Variants in LRRC41 observed in about 807,000 individuals in gnomAD.
The protein encoded by LRRC41 is leucine rich repeat containing 41.
In LRRC41, 17 loss-of-function variants were observed where a neutral mutation model predicts 72.1. The ratio of observed to expected loss-of-function variants is 0.24; its 90% CI spans 0.16 to 0.35. The LOEUF (loss-of-function observed/expected upper bound fraction) is 0.35. Among genes scored for constraint, LRRC41 ranks in the 10% least tolerant of loss-of-function variants. The pLI, the probability that LRRC41 is intolerant of heterozygous loss-of-function variation, is 1.00. For synonymous variants in LRRC41, 427 were observed against 431.0 expected, an observed-to-expected ratio of 0.99 and a Z score of 0.11; for missense variants, 759 against 1,065.0, an observed-to-expected ratio of 0.71 and a Z score of 4.00.
At chr1:46,301,519 C>T (rs966151299) in intron 1 of LRRC41, among the ~76,000 whole-genome samples, 1 of 151,966 alleles carries the variant, frequency 6.6e-6, no homozygotes, top group African/African-American at 2.4e-5. Context: ...CTTCTAAAAG[C>T]CTCTTCCACC....
intron 1 of LRRC41, chr1:46,300,635 AC>A (rs1661204161): frequency 6.6e-6 from 1 of 151,842 alleles, no homozygotes; most frequent in African/African-American, 2.4e-5. Flanking sequence ...CCTCTTCAAA[AC>A]CCTTGGAGGT....
In LRRC41 at chr1:46,303,573, G is replaced by A; in HGVS notation, c.-251C>T. 1.2e-6 allele frequency: 1 copy of A among 860,368 alleles called. No homozygotes were observed. Among genetic ancestry groups the A allele is most frequent in the Non-Finnish European group, 1.8e-6 (1 of 565,456 alleles). The allele number at this position is 860,368 out of a possible 1,614,324, so 53.3% of individuals were successfully genotyped here. On this transcript the variant is annotated 5_prime_UTR_variant, in exon 1 of 10. Coordinates refer to ENST00000617190, the MANE Select transcript of LRRC41 (RefSeq NM_006369.5). Reference sequence around the variant, plus strand: ...AAAGCCTCCTCGGGTGCAAACATCAGCTACCCCTAACCTCTGCCTGCGGCT... The same window carrying A: ...AAAGCCTCCTCGGGTGCAAACATCAACTACCCCTAACCTCTGCCTGCGGCT...
At chr1:46,289,352 C>T (rs1193495032) in intron 3 of LRRC41, among the ~76,000 whole-genome samples, 1 of 152,192 alleles carries the variant, frequency 6.6e-6, no homozygotes, top group Non-Finnish European at 1.5e-5. Context: ...ACTGACATCA[C>T]AGCATTTTTG....
rs1236542396 is a variant in LRRC41 at position 46,279,310 on chromosome 1, G to A, written c.2144-53C>T. The A allele has an allele frequency of 1.9e-6, 3 of 1,599,678 alleles. No individual in the cohort carries two copies. The highest frequency in any genetic ancestry group is 2.7e-5 in the African/African-American group (2 of 74,634). Reference sequence around the variant, plus strand: ...CCTCCACCCAAGAACAGGGGACAAGGGTATCCCAACCCAACTATGGCTGGC... The same window carrying A: ...CCTCCACCCAAGAACAGGGGACAAGAGTATCCCAACCCAACTATGGCTGGC... On this transcript the variant is annotated intron_variant, in intron 8 of 9. Coordinates refer to ENST00000617190, the MANE Select transcript of LRRC41 (RefSeq NM_006369.5). This position sits in a 1 kb window ranked among gnomAD's most constrained non-coding sequence, Gnocchi z 4.5.
rs1661165475 is a variant in LRRC41, at chr1:46,298,358, G to A, written c.212C>T (p.Pro71Leu). Reference sequence around the variant, plus strand: ...CAGAGGTAGGATGCTTTGAAGTATTGGGCCTGGGAGGGCTACAAAAATCAA... The same window carrying A: ...CAGAGGTAGGATGCTTTGAAGTATTAGGCCTGGGAGGGCTACAAAAATCAA... The part of the protein sequence containing the change: ...LESGVWALPG[P>L]ILQSILPLLN... The change falls in exon 2 of 10, where the codon CCA becomes CTA. Residue 71 changes from proline to leucine, a missense_variant. Physicochemically the swap from Pro to Leu is moderately conservative, Grantham distance 98 (BLOSUM62 -3). Coordinates refer to ENST00000617190, the MANE Select transcript of LRRC41 (RefSeq NM_006369.5). 1 of 1,607,572 alleles carries A rather than the reference G, an allele frequency of 6.2e-7. No individual in the cohort carries two copies. Among genetic ancestry groups the A allele is most frequent in the Non-Finnish European group, 8.5e-7 (1 of 1,176,754 alleles).
chr1:46,280,703 G>A (rs1422869706), intron 5 of LRRC41, 143 bp from the exon 6 acceptor site: 11 of 805,478 alleles, frequency 1.4e-5, no homozygotes, highest in Non-Finnish European at 2.1e-5. Context: ...TGTCAGCACT[G>A]TGCTAGATTC....
intron 3 of LRRC41, among the ~76,000 whole-genome samples, chr1:46,295,642 A>G (rs1661108437): frequency 6.6e-6 from 1 of 152,224 alleles, no homozygotes; most frequent in Admixed American, 6.5e-5. Flanking sequence ...ATGCTCTGAA[A>G]TGCTTTGAGC....
intron 3 of LRRC41, among the ~76,000 whole-genome samples, chr1:46,294,763 T>A (rs751458748): frequency 2.0e-5 from 3 of 151,752 alleles, no homozygotes; most frequent in Non-Finnish European, 4.4e-5. Context: ...CCCAGCTAAT[T>A]TTTGTATTTT....
Position 46,278,493 on chromosome 1 carries a change from G to A in LRRC41, c.*372C>T, listed in dbSNP as rs1006333554. 1 of 666,646 alleles carries A rather than the reference G, an allele frequency of 1.5e-6. No individual in the cohort carries two copies. 41.3% of individuals were successfully genotyped at this position (666,646 alleles called of 1,614,324 possible). A position where few individuals can be genotyped will look rare whatever the true frequency, so the allele number is the denominator to read the frequency against. Reference sequence around the variant, plus strand: ...AGGGTTTGAGGCCTGAGAGCAGTGTGGTAAGCCCAGCAGGGAAGAAGCCCC... The same window carrying A: ...AGGGTTTGAGGCCTGAGAGCAGTGTAGTAAGCCCAGCAGGGAAGAAGCCCC... On this transcript the variant is annotated 3_prime_UTR_variant, in exon 10 of 10. Coordinates refer to ENST00000617190, the MANE Select transcript of LRRC41 (RefSeq NM_006369.5).
At chr1:46,283,121 A>C (rs1660814338) in intron 4 of LRRC41, among the ~76,000 whole-genome samples, 1 of 152,164 alleles carries the variant, frequency 6.6e-6, no homozygotes, top group Admixed American at 6.6e-5. Flanking sequence ...TGTTTGCATA[A>C]ATGAATGACA....
intron 3 of LRRC41, among the ~76,000 whole-genome samples, chr1:46,292,429 A>C (rs1228723418): frequency 6.6e-6 from 1 of 152,176 alleles, no homozygotes; most frequent in African/African-American, 2.4e-5. Context: ...AACAAATATT[A>C]CCAGATTGCC....
In LRRC41 at chr1:46,303,112, C is replaced by A. The variant is rs1036015400; in HGVS notation, c.199+12G>T. The A allele has an allele frequency of 2.9e-6, 4 of 1,400,992 alleles. No individual in the cohort carries two copies. Among genetic ancestry groups the A allele is most frequent in the Non-Finnish European group, 3.7e-6 (4 of 1,078,262 alleles). The allele number at this position is 1,400,992 out of a possible 1,614,324, so 86.8% of individuals were successfully genotyped here. ...CTCTTAGCCAGAGGTAGCCCCTCACCCCGCGACTTACCCCACACCCCGCTC... is the reference window on the plus strand; with the variant it reads ...CTCTTAGCCAGAGGTAGCCCCTCACACCGCGACTTACCCCACACCCCGCTC... On this transcript the variant is annotated intron_variant, in intron 1 of 9. Transcript: ENST00000617190.
At position 46,279,027 on chromosome 1, in the gene LRRC41, C is replaced by G; in HGVS notation, c.2277G>C (p.Trp759Cys). 1 of 1,612,456 alleles carries G rather than the reference C, an allele frequency of 6.2e-7. No individual in the cohort carries two copies. Among genetic ancestry groups the G allele is most frequent in the Non-Finnish European group, 8.5e-7 (1 of 1,179,182 alleles). ...GCAGGTGACCAAAGGCTCCACGGCC[C>G]CAGCGCTCCAGCCGCTTGGCGAACT... is the stretch of plus-strand genomic sequence containing the variant. The part of the protein sequence containing the change: ...LLEFAKRLER[W>C]GRGAFGHLRL... Residue 759 changes from tryptophan (W) to cysteine (C), a missense_variant, in exon 10 of 10, where the codon TGG (tryptophan) becomes TGC (cysteine). Coordinates refer to ENST00000617190, the MANE Select transcript of LRRC41 (RefSeq NM_006369.5). The surrounding 1 kb of genome is among the most constrained non-coding windows in gnomAD (Gnocchi z 4.5).
chr1:46,281,182 C>T lies in LRRC41; in HGVS notation c.1699G>A (p.Gly567Ser), dbSNP rs376294274. ...GGGGGCCCTGCATTCCCTGGCACAC[C>T]AGGGTTGTCCCGCTGGCTTGGGTGG... Reference protein sequence around the residue: ...VDHPSQRDNPGVPGNAGPPSH... With the variant: ...VDHPSQRDNPSVPGNAGPPSH... The change falls in exon 5 of 10, where the codon GGT becomes AGT. Residue 567 changes from glycine to serine, a missense_variant. Coordinates refer to ENST00000617190, the MANE Select transcript of LRRC41 (RefSeq NM_006369.5). 62 of 1,614,188 alleles carry T rather than the reference C, an allele frequency of 3.8e-5. No individual in the cohort carries two copies. The highest frequency in any genetic ancestry group is 5.0e-5 in the Non-Finnish European group (59 of 1,180,020).
At chr1:46,281,424 G>A in intron 4 of LRRC41, 39 bp from the exon 5 acceptor site, 21 of 1,599,858 alleles carry the variant, frequency 1.3e-5, no homozygotes, top group Non-Finnish European at 1.7e-5. Flanking sequence ...CCATGTGGGA[G>A]TGTCAGCAGG....
Position 46,285,381 on chromosome 1 carries a change from G to C in LRRC41, c.1476C>G (p.Ser492Arg). The change falls in exon 4 of 10, where the codon AGC (serine) becomes AGG (arginine). Residue 492 changes from serine to arginine, a missense_variant. Around this residue, in one of 4 missense-constraint regions of LRRC41, gnomAD observed 427 missense variants for 520.9 expected, o/e 0.82. Transcript: ENST00000617190. The surrounding 1 kb of genome is among the most constrained non-coding windows in gnomAD (Gnocchi z 5.3). ...GCTCACCATTGTAGGAGAGTGTGAG[G>C]CTCTCCAGTGACACCCAGGAGCTCA... Reference protein sequence around the residue: ...HLLSSWVSLESLTLSYNGLGS... With the variant: ...HLLSSWVSLERLTLSYNGLGS... 6.2e-7 allele frequency: 1 copy of C among 1,614,098 alleles called. No individual in the cohort carries two copies.
At chr1:46,294,085 AT>A (rs992406596) in intron 3 of LRRC41, among the ~76,000 whole-genome samples, 9 of 148,728 alleles carry the variant, frequency 6.1e-5, no homozygotes, top group East Asian at 2.0e-4. Flanking sequence ...TTTTTAAATT[AT>A]TTTTTTCTAT....
chr1:46,294,832 A>G (rs1334371848), intron 3 of LRRC41, among the ~76,000 whole-genome samples: 2 of 151,682 alleles, frequency 1.3e-5, no homozygotes, highest in Non-Finnish European at 2.9e-5. Flanking sequence ...TGATTTCGTG[A>G]TCCACCCGCG....
At chr1:46,282,270 A>G (rs1660794467) in intron 4 of LRRC41, among the ~76,000 whole-genome samples, 1 of 152,164 alleles carries the variant, frequency 6.6e-6, no homozygotes, top group Non-Finnish European at 1.5e-5. Flanking sequence ...CAGTGACCCA[A>G]CTGGGATACT....
Sources: allele counts gnomAD v4.1 joint callset (sites outside exome capture counted in the v4.1 genomes callset), GRCh38; gene constraint gnomAD v4.1.1; regional missense constraint gnomAD v4.1.1; non-coding constraint Gnocchi (gnomAD v3.1); transcripts MANE v1.5; gene names NCBI Gene and HGNC (gene_info 2026-07-23, HGNC 2026-07-21).